Variants in SORCS2 observed in about 807,000 individuals in gnomAD.
The protein encoded by SORCS2 is VPS10 domain-containing receptor SorCS2.
A neutral mutation model predicts 141.6 loss-of-function variants in SORCS2; 100 were observed. The ratio of observed to expected loss-of-function variants is 0.71; its 90% CI spans 0.60 to 0.83. The LOEUF is 0.83. SORCS2 is among the 40% of genes least tolerant of loss of function. The pLI, the probability that SORCS2 is intolerant of heterozygous loss-of-function variation, is 0.00. For missense variants in SORCS2, 1,646 were observed against 1,560.2 expected, an observed-to-expected ratio of 1.05 and a Z score of -0.93; for synonymous variants, 789 against 676.9, an observed-to-expected ratio of 1.17 and a Z score of -2.57.
intron 3 of SORCS2, among the ~76,000 whole-genome samples, chr4:7,563,958 C>T (rs946499275): frequency 1.3e-5 from 2 of 152,196 alleles, no homozygotes; most frequent in African/African-American, 4.8e-5. Flanking sequence ...CTTTATGAAA[C>T]ATAAGATGTC....
intron 2 of SORCS2, among the ~76,000 whole-genome samples, chr4:7,426,312 C>T (rs1203584193): frequency 2.7e-5 from 1 of 36,624 alleles, no homozygotes; most frequent in East Asian, 2.8e-4. Flanking sequence ...AGGGGAGGCC[C>T]GAGGACGGCT....
intron 1 of SORCS2, among the ~76,000 whole-genome samples, chr4:7,252,369 C>T (rs562937130): frequency 7.2e-5 from 11 of 152,268 alleles, no homozygotes; most frequent in Non-Finnish European, 1.5e-4. Context: ...CAGGGCAGAG[C>T]TCAGGGGCCG....
At chr4:7,285,711 A>C (rs2108867577) in intron 1 of SORCS2, among the ~76,000 whole-genome samples, 1 of 152,298 alleles carries the variant, frequency 6.6e-6, no homozygotes, top group Middle Eastern at 3.4e-3. Flanking sequence ...TTCTCGCTGG[A>C]GGACCAGACC....
intron 2 of SORCS2, among the ~76,000 whole-genome samples, chr4:7,403,990 TATATA>T (rs1175401920): frequency 2.8e-4 from 2 of 7,268 alleles, no homozygotes; most frequent in African/African-American, 4.5e-4. Context: ...TATATATATA[TATATA>T]TATTTTTTTT....
At chr4:7,261,875 G>C (rs1353068990) in intron 1 of SORCS2, among the ~76,000 whole-genome samples, 2 of 152,258 alleles carry the variant, frequency 1.3e-5, no homozygotes, top group African/African-American at 4.8e-5. Context: ...TAGTGAGCCA[G>C]ATGACCGAGG....
rs756371484 is a variant in SORCS2 at position 7,360,250 on chromosome 4, G to A, written c.481-36038G>A. The stretch of plus-strand genomic sequence containing the variant: ...ATCATATCATGTTATTGTCGAAGAG[G>A]CATTCTTTCCATTTTGCAGATAAAG... On this transcript the variant is annotated intron_variant, in intron 1 of 26. Transcript: ENST00000507866. Among the ~76,000 whole-genome samples the A allele has an allele frequency of 4.1e-4, 63 of 152,288 alleles. No individual in the cohort carries two copies. The Middle Eastern group carries it at 0.014, about 33-fold the overall frequency.
intron 1 of SORCS2, among the ~76,000 whole-genome samples, chr4:7,241,836 C>T (rs567777271): frequency 5.3e-5 from 8 of 152,242 alleles, no homozygotes; most frequent in Admixed American, 2.0e-4. Flanking sequence ...CATCTGTGTG[C>T]GTGTGTGTGT....
intron 1 of SORCS2, among the ~76,000 whole-genome samples, chr4:7,394,873 A>G (rs1486640081): frequency 6.6e-6 from 1 of 152,074 alleles, no homozygotes; most frequent in Non-Finnish European, 1.5e-5. Flanking sequence ...TTCCTCCTGG[A>G]TGGGGCCGGA....
At position 7,667,141 on chromosome 4, in the gene SORCS2, G is replaced by C. The variant is rs1722552515; in HGVS notation, c.1089G>C (p.Gln363His). 6.2e-7 allele frequency: 1 copy of C among 1,613,522 alleles called. No homozygotes were observed. The highest frequency in any genetic ancestry group is 8.5e-7 in the Non-Finnish European group (1 of 1,179,496). ...CCGGTTAGGCAACATCAGCAAACCA[G>C]ACAAAATACTACGTCTCTTATCGTC... ...YIFFKATSAN[Q>H]TKYYVSYRRN... The change falls in exon 8 of 27, where the codon CAG (glutamine) becomes CAC (histidine). Residue 363 changes from glutamine to histidine, a missense_variant. Transcript: ENST00000507866.
chr4:7,659,035 G>A (rs1237076138), intron 5 of SORCS2, among the ~76,000 whole-genome samples: 2 of 152,166 alleles, frequency 1.3e-5, no homozygotes, highest in African/African-American at 2.4e-5. Flanking sequence ...TGGATAAGCG[G>A]CTTTAACAGT....
intron 1 of SORCS2, among the ~76,000 whole-genome samples, chr4:7,352,973 G>A (rs1721035918): frequency 6.6e-6 from 1 of 152,210 alleles, no homozygotes; most frequent in Non-Finnish European, 1.5e-5. Flanking sequence ...TTCCAGATTA[G>A]GAAACAGGCT....
At chr4:7,702,029 C>G (rs979630661) in intron 12 of SORCS2, among the ~76,000 whole-genome samples, 1 of 152,148 alleles carries the variant, frequency 6.6e-6, no homozygotes, top group Admixed American at 6.5e-5. Context: ...TTCCTGGAAG[C>G]TCTGCACAGC....
chr4:7,229,823 G>C (rs1711698539), intron 1 of SORCS2, among the ~76,000 whole-genome samples: 1 of 151,140 alleles, frequency 6.6e-6, no homozygotes, highest in South Asian at 2.1e-4. Context: ...GCAGTGTCAT[G>C]CTCGTGTATG....
At position 7,741,120 on chromosome 4, in the gene SORCS2, T is replaced by G. The variant is rs893897101; in HGVS notation, c.*856T>G. The G allele has an allele frequency of 5.0e-6, 2 of 398,506 alleles. No homozygotes were observed. Among genetic ancestry groups the G allele is most frequent in the African/African-American group, 4.1e-5 (2 of 48,588 alleles). The allele number at this position is 398,506 out of a possible 1,614,324, so 24.7% of individuals were successfully genotyped here. ...CTGTTCTCCCACCGGGTCTGGGCTCTGGAAGGAGCCAGATGCCCCCAGAAA... is the reference window on the plus strand; with the variant it reads ...CTGTTCTCCCACCGGGTCTGGGCTCGGGAAGGAGCCAGATGCCCCCAGAAA... On this transcript the variant is annotated 3_prime_UTR_variant, in exon 27 of 27. Coordinates refer to ENST00000507866, the MANE Select transcript of SORCS2 (RefSeq NM_020777.3).
chr4:7,316,180 A>G (rs1040610059), intron 1 of SORCS2, among the ~76,000 whole-genome samples: 4 of 151,020 alleles, frequency 2.6e-5, no homozygotes. Flanking sequence ...CTATTCACCC[A>G]TTCATCCATC....
Position 7,715,200 on chromosome 4 carries a change from G to C in SORCS2, c.2141G>C (p.Arg714Pro). Residue 714 changes from arginine (R) to proline (P), a missense_variant, in exon 17 of 27, where the codon CGC becomes CCC. Arg to Pro is a moderately radical substitution (Grantham distance 103). Coordinates refer to ENST00000507866, the MANE Select transcript of SORCS2 (RefSeq NM_020777.3). ...SDFLCDYGFE[R>P]SSSSESSTNK... ...CCTCCCAGCGACTACGGATTTGAGC[G>C]CTCCTCCTCCTCAGAGTCCAGCACC... 6.2e-7 allele frequency: 1 copy of C among 1,613,816 alleles called. No individual in the cohort carries two copies. The highest frequency in any genetic ancestry group is 1.1e-5 in the South Asian group (1 of 91,066).
chr4:7,263,517 G>A (rs557579067), intron 1 of SORCS2, among the ~76,000 whole-genome samples: 2 of 152,338 alleles, frequency 1.3e-5, no homozygotes, highest in South Asian at 2.1e-4. Context: ...ACCTGATTGC[G>A]AACCTGCTGT....
chr4:7,556,869 C>T (rs1714158914), intron 3 of SORCS2, among the ~76,000 whole-genome samples: 1 of 151,268 alleles, frequency 6.6e-6, no homozygotes, highest in African/African-American at 2.4e-5. Flanking sequence ...CACCCACCAT[C>T]CATCCATCCA....
At chr4:7,641,981 G>A (rs1720781304) in intron 4 of SORCS2, among the ~76,000 whole-genome samples, 2 of 151,594 alleles carry the variant, frequency 1.3e-5, no homozygotes, top group Non-Finnish European at 2.9e-5. Context: ...GGTGGATGGT[G>A]GATGGATGAA....
Sources: allele counts gnomAD v4.1 joint callset (sites outside exome capture counted in the v4.1 genomes callset), GRCh38; gene constraint gnomAD v4.1.1; transcripts MANE v1.5; gene names NCBI Gene and HGNC (gene_info 2026-07-23, HGNC 2026-07-21).